INTS6: variants seen among roughly 807,000 people sequenced by gnomAD.
INTS6 encodes the protein integrator complex subunit 6.
In INTS6, 16 loss-of-function variants were observed where a neutral mutation model predicts 104.9. The observed-to-expected ratio is 0.15, with a 90% confidence interval of 0.10 to 0.23. The LOEUF is 0.23. INTS6 is among the 10% of genes least tolerant of loss of function. The pLI is 1.00. For synonymous variants in INTS6, 324 were observed against 358.7 expected (o/e 0.90, Z 1.09); for missense variants, 584 against 1,062.8 (o/e 0.55, Z 6.26).
intron 4 of INTS6, among the ~76,000 whole-genome samples, chr13:51,398,738 A>T: frequency 6.6e-6 from 1 of 152,088 alleles, no homozygotes; most frequent in Non-Finnish European, 1.5e-5. Flanking sequence ...TTAAAAAAAA[A>T]AAAAAAAGCA....
intron 4 of INTS6, among the ~76,000 whole-genome samples, chr13:51,425,156 C>G (rs946772304): frequency 6.6e-6 from 1 of 151,954 alleles, no homozygotes; most frequent in Non-Finnish European, 1.5e-5. Flanking sequence ...ACCAGTTAAA[C>G]TAAACCCATT....
At chr13:51,450,609 T>G (rs1953019503) in intron 3 of INTS6, 1 of 986,122 alleles carries the variant, frequency 1.0e-6, no homozygotes, top group Non-Finnish European at 1.2e-6. Context: ...TAAACCCTGA[T>G]GCAACAAACA....
At chr13:51,401,749 G>T (rs2065711480) in intron 4 of INTS6, among the ~76,000 whole-genome samples, 1 of 152,126 alleles carries the variant, frequency 6.6e-6, no homozygotes, top group African/African-American at 2.4e-5. Context: ...TTGTCTGAAG[G>T]TACACAGTAA....
chr13:51,386,848 T>G (rs1956148419), intron 7 of INTS6, among the ~76,000 whole-genome samples: 1 of 152,150 alleles, frequency 6.6e-6, no homozygotes, highest in South Asian at 2.1e-4. Flanking sequence ...TTAAGAATTA[T>G]ATAATGAATA....
At chr13:51,365,906 A>C in intron 17 of INTS6, 61 bp from the exon 18 acceptor site, 1 of 957,558 alleles carries the variant, frequency 1.0e-6, no homozygotes, top group Non-Finnish European at 1.5e-6. Flanking sequence ...ATATCAGTAT[A>C]ATTTTTTTAA....
the INTS6 span, chr13:51,348,143 C>A: frequency 8.2e-7 from 1 of 1,224,528 alleles, no homozygotes; most frequent in Non-Finnish European, 1.2e-6. Context: ...CAGCCTCTCT[C>A]AGGGTCCGAC....
At chr13:51,383,158 A>C (rs944448273) in intron 9 of INTS6, among the ~76,000 whole-genome samples, 171 bp downstream of exon 9, 6 of 138,518 alleles carry the variant, frequency 4.3e-5, no homozygotes, top group African/African-American at 1.6e-4. Context: ...ATCATCTTTT[A>C]ATTTACTGTA....
the INTS6 span, among the ~76,000 whole-genome samples, chr13:51,342,729 C>T: frequency 2.0e-5 from 3 of 152,192 alleles, no homozygotes; most frequent in Non-Finnish European, 4.4e-5. Flanking sequence ...TCACACCACA[C>T]TATGGACAAG....
At position 51,449,663 on chromosome 13, in the gene INTS6, G is replaced by A. The variant is rs116754915; in HGVS notation, c.339+1362C>T. ...TAAATATCTCTTTGAACTCAAAGAG[G>A]TAAGGATGAAAACCTTAAGCAGTAA... On this transcript the variant is annotated intron_variant, in intron 3 of 17. Transcript: ENST00000311234. The A allele has an allele frequency of 6.0e-4, 593 of 983,492 alleles. 6 individuals are homozygous for A. The African/African-American group carries it at 9.9e-3, about 16-fold the overall frequency. The allele number at this position is 983,492 out of a possible 1,614,324, so 60.9% of individuals were successfully genotyped here.
intron 15 of INTS6, among the ~76,000 whole-genome samples, chr13:51,371,376 G>C (rs1402681687): frequency 1.3e-5 from 2 of 152,128 alleles, no homozygotes; most frequent in Non-Finnish European, 1.5e-5. Flanking sequence ...GCCAGACTTT[G>C]ACTCTAGCAA....
chr13:51,386,215 C>T (rs1232417399), intron 7 of INTS6, among the ~76,000 whole-genome samples: 1 of 152,124 alleles, frequency 6.6e-6, no homozygotes, highest in African/African-American at 2.4e-5. Flanking sequence ...ACTGCTAGAG[C>T]AGCATTAATA....
At chr13:51,393,772 A>AAT (rs1390802323) in intron 5 of INTS6, among the ~76,000 whole-genome samples, 1 of 152,234 alleles carries the variant, frequency 6.6e-6, no homozygotes, top group Non-Finnish European at 1.5e-5. Flanking sequence ...AAGTAGCTTT[A>AAT]ATACATTACT....
At chr13:51,361,409 C>A, downstream of INTS6, 2 of 1,223,842 alleles carry the variant, frequency 1.6e-6, no homozygotes, top group Non-Finnish European at 2.4e-6. Context: ...CCATATCTAC[C>A]TTTCTGAAAT....
chr13:51,334,982 C>CA, the INTS6 span, among the ~76,000 whole-genome samples: 1,511 of 70,336 alleles, frequency 0.021, 30 homozygotes, highest in Middle Eastern at 0.049. Flanking sequence ...GACTCCGTCT[C>CA]AAAAAAAAAA....
chr13:51,356,175 CAA>C (rs1955478932), intron 3 of INTS6, among the ~76,000 whole-genome samples: 2 of 152,178 alleles, frequency 1.3e-5, no homozygotes, highest in East Asian at 1.9e-4. Flanking sequence ...CCTGAACACG[CAA>C]AGAGATAGCA....
the INTS6 span, among the ~76,000 whole-genome samples, chr13:51,344,777 G>A: frequency 6.6e-6 from 1 of 152,030 alleles, no homozygotes; most frequent in Non-Finnish European, 1.5e-5. Context: ...CTCCCACCTC[G>A]GAGGACCCCA....
intron 3 of INTS6, among the ~76,000 whole-genome samples, chr13:51,435,228 T>G (rs1050131593): frequency 6.6e-6 from 1 of 152,028 alleles, no homozygotes; most frequent in Non-Finnish European, 1.5e-5. Context: ...AATTCACGTT[T>G]TACTCTCAGA....
intron 4 of INTS6, among the ~76,000 whole-genome samples, chr13:51,401,696 T>C (rs1429268036): frequency 1.3e-5 from 2 of 152,118 alleles, no homozygotes; most frequent in Non-Finnish European, 2.9e-5. Context: ...ATAGGCACTA[T>C]TATAGTCCTC....
chr13:51,407,563 C>T (rs768501032), intron 4 of INTS6, among the ~76,000 whole-genome samples: 5 of 151,958 alleles, frequency 3.3e-5, no homozygotes, highest in Admixed American at 6.6e-5. Context: ...GGGACTGATA[C>T]CAAATACAGA....
Sources: allele counts gnomAD v4.1 joint callset (sites outside exome capture counted in the v4.1 genomes callset), GRCh38; gene constraint gnomAD v4.1.1; transcripts MANE v1.5; gene names NCBI Gene and HGNC (gene_info 2026-07-23, HGNC 2026-07-21).